Variants in CHMP4C observed in about 807,000 individuals in gnomAD.
The protein encoded by CHMP4C is charged multivesicular body protein 4C.
In CHMP4C, 28 loss-of-function variants were observed where a neutral mutation model predicts 29.0. The ratio of observed to expected loss-of-function variants is 0.97; its 90% CI spans 0.72 to 1.32. The LOEUF is 1.32. CHMP4C is among the 40% of genes most tolerant of loss of function. CHMP4C has a pLI of 0.00. For synonymous variants in CHMP4C, 106 were observed against 102.4 expected (o/e 1.04, Z -0.21); for missense variants, 291 against 281.0 (o/e 1.04, Z -0.25).
intron 2 of CHMP4C, among the ~76,000 whole-genome samples, chr8:81,754,563 A>T (rs1447672206): frequency 6.6e-6 from 1 of 152,140 alleles, no homozygotes; most frequent in Non-Finnish European, 1.5e-5. Flanking sequence ...GCTACTTAAT[A>T]ATGAGGGACA....
chr8:81,736,352 G>A (rs1430849772), intron 1 of CHMP4C, among the ~76,000 whole-genome samples: 1 of 151,296 alleles, frequency 6.6e-6, no homozygotes, highest in Non-Finnish European at 1.5e-5. Context: ...GTATAGGTGA[G>A]GTCTCCCTAT....
At chr8:81,736,619 G>A (rs1038201236) in intron 1 of CHMP4C, among the ~76,000 whole-genome samples, 3 of 152,154 alleles carry the variant, frequency 2.0e-5, no homozygotes, top group Non-Finnish European at 2.9e-5. Context: ...AATCAGTGCA[G>A]TGTCCAGTCC....
At position 81,758,136 on chromosome 8, in the gene CHMP4C, G is replaced by T; in HGVS notation, c.484-6G>T. The T allele has an allele frequency of 6.2e-7, 1 of 1,613,604 alleles. No homozygotes were observed. The highest frequency in any genetic ancestry group is 1.1e-5 in the South Asian group (1 of 91,036). On this transcript the variant is annotated splice_polypyrimidine_tract_variant and splice_region_variant and intron_variant, in intron 3 of 4. Transcript: ENST00000297265. ...CTCCATAATTCTTCCTTTCTCCTGT[G>T]TTCAGGATGAGTTGATGGCAGAACT...
At chr8:81,758,088 A>G in intron 3 of CHMP4C, 54 bp from the exon 4 acceptor site, 1 of 1,546,906 alleles carries the variant, frequency 6.5e-7, no homozygotes, top group Non-Finnish European at 8.9e-7. Flanking sequence ...GTGTTTGAGG[A>G]AACCCATGTC....
At chr8:81,734,371 C>T (rs1808658198) in intron 1 of CHMP4C, among the ~76,000 whole-genome samples, 1 of 152,192 alleles carries the variant, frequency 6.6e-6, no homozygotes, top group African/African-American at 2.4e-5. Flanking sequence ...ACTCTTGTTG[C>T]CCAGGCTGGA....
Position 81,755,439 on chromosome 8 carries a change from A to G in CHMP4C, c.438A>G (p.Ser146=), listed in dbSNP as rs1808960024. The change falls in exon 3 of 5, where the codon TCA becomes TCG. Residue 146 remains serine (S), a synonymous_variant. Transcript: ENST00000297265. ...AACAGGATATCGCCCAAGAAATCTC[A>G]GAAGCATTTTCTCAACGGGTTGGCT... ...TEQQDIAQEI[S]EAFSQRVGFG... 6.2e-7 allele frequency: 1 copy of G among 1,611,894 alleles called. No homozygotes were observed. The highest frequency in any genetic ancestry group is 8.5e-7 in the Non-Finnish European group (1 of 1,178,214).
intron 1 of CHMP4C, among the ~76,000 whole-genome samples, chr8:81,738,617 C>T (rs1808723268): frequency 2.0e-5 from 3 of 152,144 alleles, no homozygotes; most frequent in Non-Finnish European, 2.9e-5. Context: ...ATCAGAAGGA[C>T]ATCTGTGTAA....
intron 1 of CHMP4C, among the ~76,000 whole-genome samples, chr8:81,740,629 C>T (rs776127707): frequency 2.6e-5 from 4 of 152,230 alleles, no homozygotes; most frequent in Non-Finnish European, 5.9e-5. Context: ...CACATTTCTA[C>T]TCCTTATCAT....
At chr8:81,740,355 A>G (rs771731500) in intron 1 of CHMP4C, among the ~76,000 whole-genome samples, 1 of 152,216 alleles carries the variant, frequency 6.6e-6, no homozygotes, top group Non-Finnish European at 1.5e-5. Context: ...TATCATAAGA[A>G]GTGCACAACC....
Position 81,745,589 on chromosome 8 carries a change from G to A in CHMP4C, c.191-7475G>A, listed in dbSNP as rs563117495. Among the ~76,000 whole-genome samples the A allele has an allele frequency of 2.0e-5, 3 of 152,266 alleles. No individual in the cohort carries two copies. In the East Asian group the frequency reaches 5.8e-4, roughly 29 times the overall value. The stretch of plus-strand genomic sequence containing the variant: ...AGCCTTCGTCCCTTGGCAGCATAGT[G>A]GAGTTGCATAGGAATAGTTAAATTT... On this transcript the variant is annotated intron_variant, in intron 1 of 4. Coordinates refer to ENST00000297265, the MANE Select transcript of CHMP4C (RefSeq NM_152284.4).
intron 1 of CHMP4C, among the ~76,000 whole-genome samples, chr8:81,743,051 G>A (rs907980222): frequency 3.3e-5 from 5 of 151,790 alleles, no homozygotes; most frequent in East Asian, 1.9e-4. Flanking sequence ...ATTTTTTGAC[G>A]TTAGGGGCTC....
chr8:81,751,717 A>G (rs1808906906), intron 1 of CHMP4C, among the ~76,000 whole-genome samples: 1 of 152,192 alleles, frequency 6.6e-6, no homozygotes, highest in Non-Finnish European at 1.5e-5. Flanking sequence ...CAGTACTGAT[A>G]GCATAGCAGT....
intron 1 of CHMP4C, among the ~76,000 whole-genome samples, chr8:81,744,615 G>T (rs756011519): frequency 2.0e-5 from 3 of 152,090 alleles, no homozygotes; most frequent in African/African-American, 4.8e-5. Flanking sequence ...ACTGCACCTT[G>T]TACATATCTC....
rs763909339 is a variant in CHMP4C, at chr8:81,753,059, T to C, written c.191-5T>C. On this transcript the variant is annotated splice_region_variant and splice_polypyrimidine_tract_variant and intron_variant, in intron 1 of 4. Transcript: ENST00000297265. ...CCTAATAAATGTGGCTTCTCTCTTA[T>C]TTAGCTGCATTACAGGCACTAAAGA... The C allele has an allele frequency of 1.9e-6, 3 of 1,596,028 alleles. No individual in the cohort carries two copies. In the Admixed American group the frequency reaches 5.4e-5, roughly 28 times the overall value.
In CHMP4C at chr8:81,757,718, G is replaced by A. The variant is rs767395879; in HGVS notation, c.484-424G>A. ...CTTTAATTCCTTTTACTTTCTGTAC[G>A]TTATGGTTTTGCTATACCTGTTGTT... On this transcript the variant is annotated intron_variant, in intron 3 of 4. Coordinates refer to ENST00000297265, the MANE Select transcript of CHMP4C (RefSeq NM_152284.4). 5.3e-5 allele frequency among the ~76,000 whole-genome samples: 8 copies of A among 152,196 alleles called. 1 individual carries two copies. The highest frequency in any genetic ancestry group is 7.4e-5 in the Non-Finnish European group (5 of 67,988).
At chr8:81,734,393 C>T (rs767714251) in intron 1 of CHMP4C, among the ~76,000 whole-genome samples, 9 of 151,930 alleles carry the variant, frequency 5.9e-5, no homozygotes, top group African/African-American at 1.7e-4. Context: ...TGCAATGGCG[C>T]GATCTTGGCT....
intron 1 of CHMP4C, 150 bp from the exon 2 acceptor site, chr8:81,752,914 A>G (rs1808922437): frequency 7.7e-6 from 4 of 522,812 alleles, no homozygotes; most frequent in Admixed American, 7.4e-5. Context: ...TTGAGAGGAC[A>G]ATATGAGTTG....
intron 1 of CHMP4C, among the ~76,000 whole-genome samples, chr8:81,736,129 A>G (rs1380199813): frequency 1.1e-5 from 1 of 88,250 alleles, no homozygotes; most frequent in Non-Finnish European, 2.6e-5. Flanking sequence ...ATAAATAAAT[A>G]AATAAATAAA....
chr8:81,739,430 GA>G (rs554518738), intron 1 of CHMP4C, among the ~76,000 whole-genome samples: 7,570 of 118,708 alleles, frequency 0.064, 284 homozygotes, highest in African/African-American at 0.077. Context: ...GGGGGGGGTG[GA>G]AAAAAAAAAA....
Sources: gnomAD v4.1 joint callset for allele counts (sites outside exome capture counted in the v4.1 genomes callset) on GRCh38, gnomAD v4.1.1 for gene constraint, MANE v1.5 for transcripts, NCBI Gene and HGNC (gene_info 2026-07-23, HGNC 2026-07-21) for gene names.